Variants in NDST3 observed in about 807,000 individuals in gnomAD.
The protein encoded by NDST3 is N-deacetylase and N-sulfotransferase 3, also known as bifunctional heparan sulfate N-deacetylase/N-sulfotransferase 3.
NDST3 carries 58 observed loss-of-function variants against 96.1 expected under a neutral mutation model. The ratio of observed to expected loss-of-function variants is 0.60; its 90% CI spans 0.49 to 0.75. The LOEUF (loss-of-function observed/expected upper bound fraction) is 0.75, where lower values mean the gene tolerates loss of function less well. Ranked by LOEUF, NDST3 falls within the 30% of genes least tolerant of loss-of-function variation. NDST3 has a pLI of 0.00. For synonymous variants in NDST3, 333 were observed against 359.7 expected, an observed-to-expected ratio of 0.93 and a Z score of 0.84; for missense variants, 788 against 1,034.2, an observed-to-expected ratio of 0.76 and a Z score of 3.27.
At chr4:118,147,397 C>A (rs1734026690) in intron 6 of NDST3, among the ~76,000 whole-genome samples, 1 of 152,132 alleles carries the variant, frequency 6.6e-6, no homozygotes, top group South Asian at 2.1e-4. Context: ...GATTTCTACA[C>A]AAACATGTAA....
intron 6 of NDST3, among the ~76,000 whole-genome samples, chr4:118,177,344 G>A (rs1736341296): frequency 6.6e-6 from 1 of 151,982 alleles, no homozygotes; most frequent in Non-Finnish European, 1.5e-5. Context: ...CCTCTATGCT[G>A]TACAGCATGA....
intron 6 of NDST3, among the ~76,000 whole-genome samples, chr4:118,164,637 A>T (rs1735422263): frequency 6.6e-6 from 1 of 152,156 alleles, no homozygotes; most frequent in Non-Finnish European, 1.5e-5. Flanking sequence ...TTATTATGAG[A>T]CCATAAAGCT....
intron 6 of NDST3, among the ~76,000 whole-genome samples, chr4:118,177,191 T>C (rs998388759): frequency 8.6e-5 from 13 of 151,982 alleles, no homozygotes; most frequent in African/African-American, 2.9e-4. Context: ...TTTGTGAAGA[T>C]AATGTATGTG....
chr4:118,158,449 A>C (rs11943650), intron 6 of NDST3, among the ~76,000 whole-genome samples: 1 of 152,194 alleles, frequency 6.6e-6, no homozygotes, highest in African/African-American at 2.4e-5. Context: ...AGACATACTC[A>C]AAGTATGAAA....
At chr4:118,097,822 T>A (rs1393526415) in intron 2 of NDST3, among the ~76,000 whole-genome samples, 1 of 151,916 alleles carries the variant, frequency 6.6e-6, no homozygotes, top group Non-Finnish European at 1.5e-5. Context: ...TTTATGAGTT[T>A]ATTGCCTTAC....
intron 6 of NDST3, among the ~76,000 whole-genome samples, chr4:118,152,584 T>G (rs1178215989): frequency 6.6e-6 from 1 of 152,164 alleles, no homozygotes; most frequent in Non-Finnish European, 1.5e-5. Context: ...GTCGCTTTAC[T>G]TACAATAGAA....
chr4:118,222,330 G>T (rs1185361796), intron 6 of NDST3, among the ~76,000 whole-genome samples: 1 of 151,380 alleles, frequency 6.6e-6, no homozygotes, highest in African/African-American at 2.4e-5. Context: ...AAGTAACAAA[G>T]AAAGAGAGGT....
intron 1 of NDST3, among the ~76,000 whole-genome samples, chr4:118,035,499 C>T (rs1408419423): frequency 2.0e-5 from 3 of 150,728 alleles, no homozygotes; most frequent in Non-Finnish European, 4.4e-5. Context: ...TGCTGTTCAC[C>T]ACCAGAGAGC....
chr4:118,122,119 A>G (rs933466857), intron 4 of NDST3, among the ~76,000 whole-genome samples: 1 of 152,228 alleles, frequency 6.6e-6, no homozygotes. Flanking sequence ...TAGCACATGT[A>G]CTGCATGAAA....
At chr4:118,232,692 CAAAG>C (rs144280772) in intron 8 of NDST3, among the ~76,000 whole-genome samples, 6 of 148,922 alleles carry the variant, frequency 4.0e-5, no homozygotes, top group African/African-American at 1.5e-4. Context: ...AGGAAAGAAA[CAAAG>C]AAAGAAAGAA....
chr4:118,192,599 A>T (rs1737381816), intron 6 of NDST3, among the ~76,000 whole-genome samples: 1 of 152,104 alleles, frequency 6.6e-6, no homozygotes, highest in African/African-American at 2.4e-5. Context: ...CTGTAGGTGT[A>T]TGAATTTGTT....
Position 118,233,151 on chromosome 4 carries a change from A to C in NDST3, c.1943+16A>C. 1 of 1,603,762 alleles carries C rather than the reference A, an allele frequency of 6.2e-7. No homozygotes were observed. Among genetic ancestry groups the C allele is most frequent in the South Asian group, 1.1e-5 (1 of 90,532 alleles). ...GGATTGATTGGTAAGATGGGTTATT[A>C]GTATAAATCTAAAAGTATATGTACT... is the stretch of plus-strand genomic sequence containing the variant. On this transcript the variant is annotated intron_variant, in intron 9 of 13. Transcript: ENST00000296499.
intron 8 of NDST3, among the ~76,000 whole-genome samples, chr4:118,232,280 T>C (rs1740350856): frequency 6.6e-6 from 1 of 152,156 alleles, no homozygotes; most frequent in Non-Finnish European, 1.5e-5. Context: ...AAGTACATGT[T>C]CTTTCATTCT....
chr4:118,236,791 T>C (rs1740675177), intron 9 of NDST3, among the ~76,000 whole-genome samples: 1 of 152,234 alleles, frequency 6.6e-6, no homozygotes, highest in Admixed American at 6.5e-5. Context: ...ACTCTGTGTC[T>C]ACATTTTTGT....
intron 3 of NDST3, among the ~76,000 whole-genome samples, chr4:118,112,467 G>A (rs1028801821): frequency 1.1e-4 from 17 of 152,138 alleles, no homozygotes; most frequent in African/African-American, 3.9e-4. Context: ...GGAATGAATT[G>A]ATTTCTGGGA....
At chr4:118,118,447 A>C (rs547228284) in intron 4 of NDST3, among the ~76,000 whole-genome samples, 1 of 152,234 alleles carries the variant, frequency 6.6e-6, no homozygotes, top group South Asian at 2.1e-4. Flanking sequence ...GGCCTTTGCT[A>C]TCATCATTTA....
At chr4:118,246,569 G>A (rs963404002) in intron 12 of NDST3, among the ~76,000 whole-genome samples, 7 of 152,044 alleles carry the variant, frequency 4.6e-5, no homozygotes, top group South Asian at 4.2e-4. Flanking sequence ...TTGCGCCATT[G>A]CACTCCAACC....
chr4:118,059,134 A>G (rs1048740813), intron 2 of NDST3, among the ~76,000 whole-genome samples: 7 of 152,098 alleles, frequency 4.6e-5, no homozygotes, highest in Admixed American at 3.3e-4. Context: ...AAACTTTGAG[A>G]AAATTCCTAA....
intron 5 of NDST3, among the ~76,000 whole-genome samples, chr4:118,139,105 A>G (rs1014193388): frequency 6.6e-6 from 1 of 152,198 alleles, no homozygotes; most frequent in Non-Finnish European, 1.5e-5. Flanking sequence ...GAGTGGATAG[A>G]CATATAGCTT....
Sources: gnomAD v4.1 joint callset for allele counts (sites outside exome capture counted in the v4.1 genomes callset) on GRCh38, gnomAD v4.1.1 for gene constraint, MANE v1.5 for transcripts, NCBI Gene and HGNC (gene_info 2026-07-23, HGNC 2026-07-21) for gene names.